Variants in HDAC4 observed in about 807,000 individuals in gnomAD.
The protein encoded by HDAC4 is histone deacetylase 4.
A neutral mutation model predicts 135.1 loss-of-function variants in HDAC4; 16 were observed. The observed-to-expected ratio is 0.12, with a 90% CI of 0.08 to 0.18. The LOEUF is 0.18. HDAC4 is among the 10% of genes least tolerant of loss of function. The pLI is 1.00. For synonymous variants in HDAC4, 685 were observed against 653.4 expected, an observed-to-expected ratio of 1.05 and a Z score of -0.74; for missense variants, 1,143 against 1,511.8, an observed-to-expected ratio of 0.76 and a Z score of 4.05.
At chr2:239,214,364 C>G (rs1160393791) in intron 3 of HDAC4, among the ~76,000 whole-genome samples, 1 of 152,230 alleles carries the variant, frequency 6.6e-6, no homozygotes, top group Non-Finnish European at 1.5e-5. Flanking sequence ...CTCGTGAAGA[C>G]AAAGGGCCCA....
intron 5 of HDAC4, among the ~76,000 whole-genome samples, chr2:239,166,214 T>C (rs1250280765): frequency 6.6e-6 from 1 of 152,098 alleles, no homozygotes; most frequent in Non-Finnish European, 1.5e-5. Flanking sequence ...CAGTCAGCAA[T>C]GAGACGCCTG....
intron 3 of HDAC4, among the ~76,000 whole-genome samples, chr2:239,226,635 C>G (rs2047255040): frequency 6.6e-6 from 1 of 151,996 alleles, no homozygotes; most frequent in Non-Finnish European, 1.5e-5. Context: ...ATCTTTGGGT[C>G]GACAGCAACA....
intron 7 of HDAC4, among the ~76,000 whole-genome samples, chr2:239,144,915 G>A (rs1047533813): frequency 5.3e-5 from 8 of 152,128 alleles, no homozygotes; most frequent in South Asian, 2.1e-4. Flanking sequence ...TGAATAAAAC[G>A]AATCTGGTGC....
At chr2:239,238,188 C>G (rs547738003) in intron 2 of HDAC4, among the ~76,000 whole-genome samples, 1 of 152,232 alleles carries the variant, frequency 6.6e-6, no homozygotes, top group African/African-American at 2.4e-5. Context: ...AAGTACTTTT[C>G]AAGCCTTTTT....
Position 239,068,401 on chromosome 2 carries a change from T to C in HDAC4, c.2869+88A>G. ...TAAAAAGGTGCCCTTCCTTATCTCGTTATTAAAAAGGGGACCTGACACGCG... is the reference window on the plus strand; with the variant it reads ...TAAAAAGGTGCCCTTCCTTATCTCGCTATTAAAAAGGGGACCTGACACGCG... On this transcript the variant is annotated intron_variant, in intron 23 of 26. Transcript: ENST00000543185. This position sits in a 1 kb window ranked among gnomAD's most constrained non-coding sequence, Gnocchi z 4.4. The C allele has an allele frequency of 2.1e-6, 2 of 964,616 alleles. No homozygotes were observed. Among genetic ancestry groups the C allele is most frequent in the South Asian group, 2.6e-5 (2 of 76,838 alleles). The allele number at this position is 964,616 out of a possible 1,614,324, so 59.8% of individuals were successfully genotyped here.
At chr2:239,118,383 C>T (rs937472532) in intron 12 of HDAC4, among the ~76,000 whole-genome samples, 10 of 152,138 alleles carry the variant, frequency 6.6e-5, no homozygotes, top group Admixed American at 4.6e-4. Context: ...GCGTGGGTGT[C>T]GGGGCGGGCC....
chr2:239,368,769 G>A (rs961362502), intron 1 of HDAC4, among the ~76,000 whole-genome samples: 1 of 152,134 alleles, frequency 6.6e-6, no homozygotes, highest in African/African-American at 2.4e-5. Flanking sequence ...CTGCTGGAGT[G>A]GACCCTCCTA....
At chr2:239,316,410 A>C (rs1380356719) in intron 2 of HDAC4, among the ~76,000 whole-genome samples, 2 of 152,164 alleles carry the variant, frequency 1.3e-5, no homozygotes, top group Non-Finnish European at 2.9e-5. Flanking sequence ...GACCAGCCTG[A>C]GCAACACAGC....
chr2:239,385,303 C>T (rs1054330145), intron 1 of HDAC4, among the ~76,000 whole-genome samples: 1 of 152,224 alleles, frequency 6.6e-6, no homozygotes, highest in Non-Finnish European at 1.5e-5. Context: ...GGGCACACAG[C>T]GGGCTGGCTG....
intron 1 of HDAC4, among the ~76,000 whole-genome samples, chr2:239,369,494 ACTTT>A (rs1559389238): frequency 6.6e-6 from 1 of 152,196 alleles, no homozygotes; most frequent in African/African-American, 2.4e-5. Flanking sequence ...TTAAACTCCT[ACTTT>A]CTAAGTTTAT....
rs140854903 is a variant in HDAC4 at position 239,210,530 on chromosome 2, G to A, written c.95-20453C>T. On this transcript the variant is annotated intron_variant, in intron 3 of 26. Coordinates refer to ENST00000543185, the MANE Select transcript of HDAC4 (RefSeq NM_001378414.1). ...AGTGGTGAATGGCTTTACTACAAAC[G>A]TGTACATTTATTACCCGGCCTGTGA... Among the ~76,000 whole-genome samples, 501 of 152,268 alleles carry A rather than the reference G, an allele frequency of 3.3e-3. 4 individuals carry two copies. Among genetic ancestry groups the A allele is most frequent in the African/African-American group, 0.011 (465 of 41,542 alleles).
chr2:239,360,677 C>G (rs1211577987), intron 1 of HDAC4, among the ~76,000 whole-genome samples: 1 of 151,266 alleles, frequency 6.6e-6, no homozygotes, highest in African/African-American at 2.4e-5. Flanking sequence ...GAGTACTAGA[C>G]AGGGAGCGGG....
chr2:239,249,534 C>T (rs1000020194), intron 2 of HDAC4, among the ~76,000 whole-genome samples: 1 of 152,062 alleles, frequency 6.6e-6, no homozygotes, highest in Admixed American at 6.5e-5. Context: ...TTTTGAAGAG[C>T]AAACAGTACG....
intron 22 of HDAC4, among the ~76,000 whole-genome samples, chr2:239,070,137 CT>C (rs1361799964): frequency 6.6e-6 from 1 of 152,262 alleles, no homozygotes; most frequent in Admixed American, 6.5e-5. Flanking sequence ...CCCACTGCCC[CT>C]AGTGCTGGGA....
intron 24 of HDAC4, among the ~76,000 whole-genome samples, chr2:239,056,758 G>A (rs974534459): frequency 2.0e-5 from 3 of 152,324 alleles, no homozygotes; most frequent in South Asian, 2.1e-4. Context: ...CGGTAAAAGC[G>A]TAACCCGATG....
At chr2:239,295,306 C>CAAAAAA (rs55990119) in intron 2 of HDAC4, among the ~76,000 whole-genome samples, 1 of 46,560 alleles carries the variant, frequency 2.1e-5, no homozygotes, top group Non-Finnish European at 3.9e-5. Flanking sequence ...GACTCCGTCT[C>CAAAAAA]AAAAAAAAAA....
chr2:239,361,630 C>T (rs567753564), intron 1 of HDAC4, among the ~76,000 whole-genome samples: 8 of 152,304 alleles, frequency 5.3e-5, no homozygotes, highest in East Asian at 1.9e-4. Flanking sequence ...AAGAAAGCAG[C>T]GCTATCTGAA....
intron 2 of HDAC4, among the ~76,000 whole-genome samples, chr2:239,312,095 C>T (rs1254759888): frequency 3.9e-5 from 6 of 152,212 alleles, no homozygotes; most frequent in Admixed American, 3.3e-4. Flanking sequence ...TGAGGAACCT[C>T]GGCGCTGACA....
intron 1 of HDAC4, among the ~76,000 whole-genome samples, chr2:239,355,059 T>TTA (rs1693405321): frequency 1.3e-5 from 2 of 152,184 alleles, no homozygotes; most frequent in Non-Finnish European, 2.9e-5. Context: ...ATGTTGTGGT[T>TTA]GTTACCATTT....
Sources: allele counts gnomAD v4.1 joint callset (sites outside exome capture counted in the v4.1 genomes callset), GRCh38; gene constraint gnomAD v4.1.1; non-coding constraint Gnocchi (gnomAD v3.1); transcripts MANE v1.5; gene names NCBI Gene and HGNC (gene_info 2026-07-23, HGNC 2026-07-21).